Variants in DMD observed in about 807,000 individuals in gnomAD.
The protein encoded by DMD is mutant dystrophin.
DMD carries 63 observed loss-of-function variants against 330.1 expected under a neutral mutation model. The observed-to-expected ratio is 0.19, with a 90% CI of 0.16 to 0.24. The LOEUF (loss-of-function observed/expected upper bound fraction) is 0.24, where lower values mean the gene tolerates loss of function less well. Ranked by LOEUF, DMD falls within the 10% of genes least tolerant of loss-of-function variation. The probability of loss-of-function intolerance (pLI) is 1.00; values close to 1 mark genes in which losing one functional copy is unlikely to be tolerated. For missense variants in DMD, 3,344 were observed against 2,684.1 expected, an observed-to-expected ratio of 1.25 and a Z score of -5.43; for synonymous variants, 1,223 against 959.8, an observed-to-expected ratio of 1.27 and a Z score of -5.07.
intron 1 of DMD, among the ~76,000 whole-genome samples, chrX:33,276,782 A>AT (rs1219821611): frequency 9.0e-6 from 1 of 111,614 alleles, no homozygotes; most frequent in Non-Finnish European, 1.9e-5. Flanking sequence ...GGCTGTTTGA[A>AT]TTTTTCTTTT....
intron 43 of DMD, among the ~76,000 whole-genome samples, chrX:32,264,419 G>A (rs932029833): frequency 5.4e-5 from 6 of 111,459 alleles, no homozygotes; most frequent in Non-Finnish European, 1.1e-4. Context: ...CACAGAGAGT[G>A]GGATACTGCT....
chrX:32,102,528 C>T (rs2096544976), intron 44 of DMD, among the ~76,000 whole-genome samples: 1 of 110,378 alleles, frequency 9.1e-6, no homozygotes, highest in Admixed American at 9.7e-5. Context: ...AACACAGTTA[C>T]TTTAGAATAA....
At chrX:32,116,549 G>A (rs774700540) in intron 44 of DMD, among the ~76,000 whole-genome samples, 22 of 112,081 alleles carry the variant, frequency 2.0e-4, no homozygotes, top group Admixed American at 7.6e-4. Context: ...TTATGCCATC[G>A]TGATGTAAAA....
chrX:32,675,613 G>A (rs926615311), intron 9 of DMD, among the ~76,000 whole-genome samples: 1 of 111,135 alleles, frequency 9.0e-6, no homozygotes, highest in Non-Finnish European at 1.9e-5. Context: ...TCTAATGATA[G>A]CTTCATAAAG....
At chrX:33,000,735 T>C (rs2093258924) in intron 2 of DMD, among the ~76,000 whole-genome samples, 2 of 112,024 alleles carry the variant, frequency 1.8e-5, no homozygotes, top group Admixed American at 9.5e-5. Context: ...GATTACCTGT[T>C]GAAGAAATAA....
intron 7 of DMD, among the ~76,000 whole-genome samples, chrX:32,803,061 C>A (rs754073574): frequency 8.1e-5 from 9 of 111,621 alleles, no homozygotes; most frequent in Non-Finnish European, 1.9e-5. Flanking sequence ...CCTCTTTGTA[C>A]CTCTGGTAGA....
chrX:32,735,120 A>G (rs1237679924), intron 7 of DMD, among the ~76,000 whole-genome samples: 1 of 108,712 alleles, frequency 9.2e-6, no homozygotes, highest in African/African-American at 3.5e-5. Context: ...ATACACCAAC[A>G]ACAGACAAGC....
Position 32,259,427 on chromosome X carries a change from C to T in DMD, c.6290+28102G>A, listed in dbSNP as rs192141085. 2.3e-3 allele frequency among the ~76,000 whole-genome samples: 255 copies of T among 110,719 alleles called. 2 individuals are homozygous for T. Among genetic ancestry groups the T allele is most frequent in the African/African-American group, 7.9e-3 (243 of 30,606 alleles). On this transcript the variant is annotated intron_variant, in intron 43 of 78. Coordinates refer to ENST00000357033, the MANE Select transcript of DMD (RefSeq NM_004006.3). ...CCCTATATTGTATAATTTACTTCAA[C>T]GTTGTAAATTTTCCACGACGATGTG...
rs189381244 is a variant in DMD, at chrX:31,555,165, G to A, written c.8218-47712C>T. Reference sequence around the variant, plus strand: ...AAATGTCAAATAACTGGCTCTAGGGGAGGGCAGTGGCGCTAATTGTAGCAT... The same window carrying A: ...AAATGTCAAATAACTGGCTCTAGGGAAGGGCAGTGGCGCTAATTGTAGCAT... On this transcript the variant is annotated intron_variant, in intron 55 of 78. Coordinates refer to ENST00000357033, the MANE Select transcript of DMD (RefSeq NM_004006.3). 7.1e-5 allele frequency among the ~76,000 whole-genome samples: 8 copies of A among 112,026 alleles called. No homozygotes were observed. The East Asian group carries it at 2.2e-3, about 31-fold the overall frequency.
At chrX:31,972,962 T>A (rs2095410375) in intron 44 of DMD, among the ~76,000 whole-genome samples, 2 of 112,043 alleles carry the variant, frequency 1.8e-5, no homozygotes, top group South Asian at 7.3e-4. Context: ...CAATGATAAA[T>A]AAAGCAAGTT....
intron 1 of DMD, among the ~76,000 whole-genome samples, chrX:33,223,911 A>C (rs2052235835): frequency 8.9e-6 from 1 of 112,553 alleles, no homozygotes. Flanking sequence ...CTATTTTAAA[A>C]ATGGGCAAAA....
intron 55 of DMD, among the ~76,000 whole-genome samples, chrX:31,514,558 T>C (rs1012191074): frequency 8.9e-6 from 1 of 112,317 alleles, no homozygotes; most frequent in Non-Finnish European, 1.9e-5. Flanking sequence ...GAAAACTCTT[T>C]CATTACTTTG....
chrX:32,200,031 G>T (rs2097027073), intron 44 of DMD, among the ~76,000 whole-genome samples: 1 of 110,668 alleles, frequency 9.0e-6, no homozygotes. Flanking sequence ...TTTTGATATT[G>T]AACTTCTTTT....
At chrX:31,433,175 C>A (rs923717039) in intron 60 of DMD, among the ~76,000 whole-genome samples, 4 of 111,959 alleles carry the variant, frequency 3.6e-5, no homozygotes, top group African/African-American at 1.3e-4. Flanking sequence ...TGCTTTAATT[C>A]GCTTAGGATA....
chrX:32,882,156 G>A (rs1569538628), intron 2 of DMD, among the ~76,000 whole-genome samples: 1 of 111,710 alleles, frequency 9.0e-6, no homozygotes, highest in Non-Finnish European at 1.9e-5. Flanking sequence ...GTCCCATTGG[G>A]CCCTTCCTGC....
At chrX:31,546,073 T>C (rs1400029715) in intron 55 of DMD, among the ~76,000 whole-genome samples, 1 of 111,966 alleles carries the variant, frequency 8.9e-6, no homozygotes, top group Admixed American at 9.5e-5. Flanking sequence ...AGTCAAATAT[T>C]AGAAGCCCAA....
intron 51 of DMD, among the ~76,000 whole-genome samples, chrX:31,735,462 C>T (rs1039169020): frequency 1.5e-4 from 17 of 111,809 alleles, no homozygotes; most frequent in African/African-American, 5.5e-4. Context: ...ACACTACTAC[C>T]TGAATGTGTA....
intron 47 of DMD, among the ~76,000 whole-genome samples, chrX:31,878,039 C>A (rs1327230260): frequency 8.9e-6 from 1 of 111,793 alleles, no homozygotes; most frequent in Non-Finnish European, 1.9e-5. Flanking sequence ...GCACAGAAAT[C>A]TGTATAACAT....
chrX:33,141,820 C>T (rs1457779278), intron 1 of DMD, among the ~76,000 whole-genome samples: 1 of 111,585 alleles, frequency 9.0e-6, no homozygotes, highest in Non-Finnish European at 1.9e-5. Flanking sequence ...AAAAACAGTT[C>T]AGTGAGTTTC....
Sources: gnomAD v4.1 joint callset for allele counts (sites outside exome capture counted in the v4.1 genomes callset) on GRCh38, gnomAD v4.1.1 for gene constraint, MANE v1.5 for transcripts, NCBI Gene and HGNC (gene_info 2026-07-23, HGNC 2026-07-21) for gene names.